Variants in DDX25 observed in about 807,000 individuals in gnomAD.
DDX25 encodes DEAD-box helicase 25, also known as ATP-dependent RNA helicase DDX25.
Under a neutral mutation model 64.6 loss-of-function variants are expected in DDX25, and 70 were observed. The ratio of observed to expected loss-of-function variants is 1.08; its 90% confidence interval spans 0.89 to 1.32. The LOEUF is 1.32. Ranked by LOEUF, DDX25 falls within the 40% of genes most tolerant of loss-of-function variation. The probability of loss-of-function intolerance (pLI) is 0.00; values close to 1 mark genes in which losing one functional copy is unlikely to be tolerated. For missense variants in DDX25, 587 were observed against 604.4 expected, an observed-to-expected ratio of 0.97 and a Z score of 0.30; for synonymous variants, 211 against 213.3, an observed-to-expected ratio of 0.99 and a Z score of 0.09.
At chr11:125,912,928 C>T (rs1257185924) in intron 8 of DDX25, among the ~76,000 whole-genome samples, 4 of 152,044 alleles carry the variant, frequency 2.6e-5, no homozygotes, top group Non-Finnish European at 5.9e-5. Context: ...GAGGCCGAGA[C>T]GGGTGGATCA....
chr11:125,910,915 C>CT (rs34647627), intron 7 of DDX25, among the ~76,000 whole-genome samples: 2,065 of 141,744 alleles, frequency 0.015, 14 homozygotes, highest in African/African-American at 0.025. Flanking sequence ...TTGTGTTTTG[C>CT]TTTTTTTTTT....
intron 8 of DDX25, among the ~76,000 whole-genome samples, chr11:125,913,708 G>A (rs1944996873): frequency 6.6e-6 from 1 of 151,490 alleles, no homozygotes; most frequent in Non-Finnish European, 1.5e-5. Context: ...CTTTGGTTCA[G>A]GTCTTTTTTC....
chr11:125,909,730 C>T (rs1272339145), intron 6 of DDX25, among the ~76,000 whole-genome samples: 1 of 151,024 alleles, frequency 6.6e-6, no homozygotes, highest in African/African-American at 2.4e-5. Context: ...CTCACTGCAA[C>T]CTTTGCCCCC....
Position 125,904,560 on chromosome 11 carries a change from A to G in DDX25, c.43A>G (p.Ser15Gly). The stretch of plus-strand genomic sequence containing the variant: ...GGGAGGCGACGCAGGGGCGGCGGAG[A>G]GCGAGCGGCTGAACAGCCACGTAAC... The part of the protein sequence containing the change: ...LWGGDAGAAE[S>G]ERLNSHFSNL... Residue 15 changes from serine to glycine, a missense_variant, in exon 1 of 12, where the codon AGC becomes GGC. By Grantham distance (56) the Ser-to-Gly change is moderately conservative. Transcript: ENST00000263576. 1.3e-6 allele frequency: 2 copies of G among 1,495,288 alleles called. No individual in the cohort carries two copies. The highest frequency in any genetic ancestry group is 1.4e-5 in the African/African-American group (1 of 70,962). The allele number at this position is 1,495,288 out of a possible 1,614,324, so 92.6% of individuals were successfully genotyped here. A position where few individuals can be genotyped will look rare whatever the true frequency, so the allele number is the denominator to read the frequency against.
chr11:125,921,207 G>A lies in DDX25; in HGVS notation c.1218G>A (p.Gln406=). Residue 406 remains glutamine (Q), a synonymous_variant, in exon 11 of 12, where the codon CAG becomes CAA. Transcript: ENST00000263576. The surrounding 1 kb of genome is among the most constrained non-coding windows in gnomAD (Gnocchi z 4.1). ...NVCARGIDVK[Q]VTIVVNFDLP... is the part of the protein sequence containing the mutation. ...CTCTTCTAGGGATTGATGTGAAGCAGGTCACAATTGTTGTGAACTTTGATC... is the reference window on the plus strand; with the variant it reads ...CTCTTCTAGGGATTGATGTGAAGCAAGTCACAATTGTTGTGAACTTTGATC... 8.7e-6 allele frequency: 14 copies of A among 1,611,242 alleles called. No homozygotes were observed. The highest frequency in any genetic ancestry group is 1.2e-5 in the Non-Finnish European group (14 of 1,179,050).
In DDX25 at chr11:125,924,100, A is replaced by T. The variant is rs1945146428; in HGVS notation, c.*1219A>T. Reference sequence around the variant, plus strand: ...ACCAACATGGTGAAACCCCTTCTCTACTAAAAATATAAAAATTAGCTGGGC... The same window carrying T: ...ACCAACATGGTGAAACCCCTTCTCTTCTAAAAATATAAAAATTAGCTGGGC... On this transcript the variant is annotated 3_prime_UTR_variant, in exon 12 of 12. Transcript: ENST00000263576. 1 of 152,180 alleles carries T rather than the reference A, an allele frequency of 6.6e-6. No individual in the cohort carries two copies. The highest frequency in any genetic ancestry group is 1.9e-4 in the East Asian group (1 of 5,204). 9.4% of individuals were successfully genotyped at this position (152,180 alleles called of 1,614,324 possible). A position where few individuals can be genotyped will look rare whatever the true frequency, so the allele number is the denominator to read the frequency against.
At chr11:125,904,392 G>T (rs1263655012), upstream of DDX25, 36 of 906,676 alleles carry the variant, frequency 4.0e-5, no homozygotes, top group Non-Finnish European at 5.3e-5. Flanking sequence ...GCCGCACCGC[G>T]GTGGTCGCGG....
Position 125,906,472 on chromosome 11 carries a change from C to T in DDX25, c.311+263C>T, listed in dbSNP as rs78086532. Among the ~76,000 whole-genome samples, 29,204 of 151,706 alleles carry T rather than the reference C, an allele frequency of 0.19. 3,281 individuals are homozygous for T. Among genetic ancestry groups the T allele is most frequent in the Non-Finnish European group, 0.25 (17,220 of 67,864 alleles). On this transcript the variant is annotated intron_variant, in intron 4 of 11. Transcript: ENST00000263576. ...CTGGGACTACAGGCATGCACCACCA[C>T]GCCCAGTTAATTTTTAATATTCAGT...
Position 125,910,483 on chromosome 11 carries a change from G to A in DDX25, c.622+5G>A. On this transcript the variant is annotated splice_donor_5th_base_variant and intron_variant, in intron 7 of 11. Coordinates refer to ENST00000263576, the MANE Select transcript of DDX25 (RefSeq NM_013264.5). ...ATGCCATTCGAGGGAATCGAAGTAT[G>A]TACCAGTAAGCCAGTCCTGGCTGAT... 1 of 1,613,388 alleles carries A rather than the reference G, an allele frequency of 6.2e-7. No individual in the cohort carries two copies.
rs1057199605 is a variant in DDX25, at chr11:125,925,420, T to G, written c.*2539T>G. The G allele has an allele frequency of 4.4e-6, 2 of 456,236 alleles. No individual in the cohort carries two copies. The highest frequency in any genetic ancestry group is 2.3e-5 in the Admixed American group (1 of 42,578). 28.3% of individuals were successfully genotyped at this position (456,236 alleles called of 1,614,324 possible). On this transcript the variant is annotated 3_prime_UTR_variant, in exon 12 of 12. Coordinates refer to ENST00000263576, the MANE Select transcript of DDX25 (RefSeq NM_013264.5). The stretch of plus-strand genomic sequence containing the variant: ...CTGCATTAACACGAACTGGCTAGTT[T>G]GGTGAGTCAACAATCCAAAGGCTGT...
chr11:125,905,694 G>C, intron 3 of DDX25, 97 bp downstream of exon 3: 1 of 1,237,602 alleles, frequency 8.1e-7, no homozygotes, highest in Non-Finnish European at 1.1e-6. Flanking sequence ...ATTGGAAAAG[G>C]CCTGTCTTTG....
At chr11:125,920,608 T>C (rs747213193) in intron 10 of DDX25, among the ~76,000 whole-genome samples, 3 of 152,162 alleles carry the variant, frequency 2.0e-5, no homozygotes, top group Admixed American at 1.3e-4. Context: ...GTACTTTTCC[T>C]GTACAATTTG....
chr11:125,914,470 T>C (rs553376826), intron 8 of DDX25, among the ~76,000 whole-genome samples: 2 of 152,364 alleles, frequency 1.3e-5, no homozygotes, highest in African/African-American at 4.8e-5. Context: ...TTGCCTCCAC[T>C]TTCTACTAAG....
At position 125,904,523 on chromosome 11, in the gene DDX25, G is replaced by C. The variant is rs1339561835; in HGVS notation, c.6G>C (p.Ala2=). 6.7e-7 allele frequency: 1 copy of C among 1,492,174 alleles called. No individual in the cohort carries two copies. Among genetic ancestry groups the C allele is most frequent in the Admixed American group, 2.3e-5 (1 of 43,394 alleles). 92.4% of individuals were successfully genotyped at this position (1,492,174 alleles called of 1,614,324 possible). A position where few individuals can be genotyped will look rare whatever the true frequency, so the allele number is the denominator to read the frequency against. The change falls in exon 1 of 12, where the codon GCG becomes GCC. Residue 2 remains alanine, a synonymous_variant. Transcript: ENST00000263576. Reference sequence around the variant, plus strand: ...CGGGAGCAGCAATCGCAGCCATGGCGTCGTTACTGTGGGGAGGCGACGCAG... The same window carrying C: ...CGGGAGCAGCAATCGCAGCCATGGCCTCGTTACTGTGGGGAGGCGACGCAG... M[A]SLLWGGDAGA...
intron 10 of DDX25, chr11:125,920,917 CAT>C (rs1325152766): frequency 1.4e-4 from 27 of 198,226 alleles, no homozygotes; most frequent in Admixed American, 1.8e-4. Context: ...CACACACACA[CAT>C]ACACACACAC....
chr11:125,913,851 A>G (rs2134279599), intron 8 of DDX25, among the ~76,000 whole-genome samples: 1 of 99,414 alleles, frequency 1.0e-5, no homozygotes, highest in South Asian at 3.4e-4. Flanking sequence ...GGACACAATC[A>G]TAACAATCCA....
chr11:125,911,413 G>T lies in DDX25; in HGVS notation c.725G>T (p.Arg242Leu). Reference protein sequence around the residue: ...KLKLIDLTKIRVFVLDEADVM... With the variant: ...KLKLIDLTKILVFVLDEADVM... ...AAATTGATTGATTTGACTAAGATTC[G>T]TGTGTTTGTCCTGGATGAAGCAGAT... Residue 242 changes from arginine (R) to leucine (L), a missense_variant, in exon 8 of 12, where the codon CGT becomes CTT. Transcript: ENST00000263576. The T allele has an allele frequency of 2.5e-6, 4 of 1,613,864 alleles. No individual in the cohort carries two copies. The highest frequency in any genetic ancestry group is 3.4e-6 in the Non-Finnish European group (4 of 1,179,846).
upstream of DDX25, among the ~76,000 whole-genome samples, chr11:125,904,197 C>G (rs891219375): frequency 2.0e-5 from 3 of 152,142 alleles, no homozygotes; most frequent in Non-Finnish European, 4.4e-5. Context: ...CGGCGGGCCG[C>G]GGGGCGGCGC....
At chr11:125,911,255 T>G in intron 7 of DDX25, 56 bp from the exon 8 acceptor site, 2 of 1,517,890 alleles carry the variant, frequency 1.3e-6, no homozygotes, top group Non-Finnish European at 1.8e-6. Context: ...CCCTGAACTG[T>G]GACCTGTTGG....
Sources: gnomAD v4.1 joint callset for allele counts (sites outside exome capture counted in the v4.1 genomes callset) on GRCh38, gnomAD v4.1.1 for gene constraint, Gnocchi (gnomAD v3.1) non-coding constraint, MANE v1.5 for transcripts, NCBI Gene and HGNC (gene_info 2026-07-23, HGNC 2026-07-21) for gene names.